FYB1: variants seen among roughly 807,000 people sequenced by gnomAD.
The protein encoded by FYB1 is FYN-binding protein 1.
FYB1 carries 41 observed loss-of-function variants against 94.1 expected under a neutral mutation model. That is an observed-to-expected ratio of 0.44 (90% CI 0.34 to 0.57). The LOEUF (loss-of-function observed/expected upper bound fraction) is 0.57. Among genes scored for constraint, FYB1 ranks in the 20% least tolerant of loss-of-function variants. The probability of loss-of-function intolerance (pLI) is 0.02; values close to 1 mark genes in which losing one functional copy is unlikely to be tolerated. For synonymous variants in FYB1, 367 were observed against 353.2 expected, an observed-to-expected ratio of 1.04 and a Z score of -0.44; for missense variants, 1,050 against 976.8, an observed-to-expected ratio of 1.07 and a Z score of -1.00.
chr5:39,118,794 G>T, intron 16 of FYB1, 80 bp downstream of exon 16: 1 of 845,136 alleles, frequency 1.2e-6, no homozygotes, highest in Non-Finnish European at 1.7e-6. Flanking sequence ...TAAACACAGA[G>T]TAGTCACTAA....
At chr5:39,138,368 A>G (rs1056102570) in intron 6 of FYB1, 3 of 271,640 alleles carry the variant, frequency 1.1e-5, no homozygotes, top group Non-Finnish European at 2.1e-5. Flanking sequence ...GCCCAAGGAT[A>G]CACTAAGAGT....
At chr5:39,169,042 T>C (rs975320960) in intron 2 of FYB1, among the ~76,000 whole-genome samples, 2 of 152,112 alleles carry the variant, frequency 1.3e-5, no homozygotes, top group Non-Finnish European at 2.9e-5. Flanking sequence ...TTAAAGGAAA[T>C]AGGAAGATTT....
chr5:39,226,019 C>T (rs1184145131), intron 1 of FYB1, among the ~76,000 whole-genome samples: 1 of 152,170 alleles, frequency 6.6e-6, no homozygotes, highest in Non-Finnish European at 1.5e-5. Flanking sequence ...GTCCCTGGTT[C>T]ACAATTCTGA....
chr5:39,150,903 G>A (rs1231719393), intron 3 of FYB1, among the ~76,000 whole-genome samples: 1 of 152,180 alleles, frequency 6.6e-6, no homozygotes, highest in African/African-American at 2.4e-5. Flanking sequence ...TAAAGCACAA[G>A]TCAGAAAATG....
chr5:39,155,065 A>C (rs998447301), intron 2 of FYB1, among the ~76,000 whole-genome samples: 2 of 152,194 alleles, frequency 1.3e-5, no homozygotes, highest in African/African-American at 4.8e-5. Context: ...CCATACATTA[A>C]AAATATAACA....
At chr5:39,199,542 A>G (rs1748132182) in intron 2 of FYB1, among the ~76,000 whole-genome samples, 2 of 152,226 alleles carry the variant, frequency 1.3e-5, no homozygotes, top group South Asian at 4.1e-4. Context: ...GAGAATAATC[A>G]GTTACTCTTT....
At chr5:39,227,976 G>C (rs1444229387) in intron 1 of FYB1, among the ~76,000 whole-genome samples, 1 of 152,158 alleles carries the variant, frequency 6.6e-6, no homozygotes, top group Non-Finnish European at 1.5e-5. Context: ...GGAACAGAAG[G>C]CTTGGATAAG....
chr5:39,112,245 T>C (rs1739137904), intron 16 of FYB1, among the ~76,000 whole-genome samples: 1 of 152,022 alleles, frequency 6.6e-6, no homozygotes, highest in Admixed American at 6.6e-5. Flanking sequence ...TTGACTTCTT[T>C]TTATCAGTTA....
chr5:39,191,481 C>T (rs896120467), intron 2 of FYB1, among the ~76,000 whole-genome samples: 62 of 152,196 alleles, frequency 4.1e-4, no homozygotes, highest in African/African-American at 1.2e-3. Flanking sequence ...TTTTTGGTTT[C>T]GATTTTTTTC....
At chr5:39,258,206 C>T (rs1224865323) in intron 1 of FYB1, among the ~76,000 whole-genome samples, 1 of 152,128 alleles carries the variant, frequency 6.6e-6, no homozygotes, top group Non-Finnish European at 1.5e-5. Flanking sequence ...TTGATTAATT[C>T]TCCTAGTGTC....
intron 9 of FYB1, among the ~76,000 whole-genome samples, chr5:39,132,263 C>G (rs1361237257): frequency 2.0e-5 from 3 of 152,186 alleles, no homozygotes; most frequent in Non-Finnish European, 4.4e-5. Flanking sequence ...ATGATGCCTT[C>G]TCTTCTTATT....
intron 16 of FYB1, among the ~76,000 whole-genome samples, chr5:39,118,571 A>T (rs1561129856): frequency 6.6e-6 from 1 of 152,154 alleles, no homozygotes; most frequent in Admixed American, 6.6e-5. Context: ...TGCGATTTTA[A>T]TACACACGCA....
At chr5:39,237,477 A>T (rs867664303) in intron 1 of FYB1, among the ~76,000 whole-genome samples, 1 of 152,116 alleles carries the variant, frequency 6.6e-6, no homozygotes, top group South Asian at 2.1e-4. Flanking sequence ...TCATCAAGCA[A>T]CTACTTCCCA....
chr5:39,191,326 G>C (rs1397739106), intron 2 of FYB1, among the ~76,000 whole-genome samples: 1 of 152,184 alleles, frequency 6.6e-6, no homozygotes, highest in Admixed American at 6.5e-5. Context: ...GAAACACACA[G>C]GCTCTGTTGC....
intron 1 of FYB1, among the ~76,000 whole-genome samples, chr5:39,271,915 T>A (rs557890857): frequency 6.6e-6 from 1 of 152,254 alleles, no homozygotes; most frequent in Admixed American, 6.5e-5. Context: ...CAGGCATACT[T>A]TTAAGTATAA....
chr5:39,179,899 T>A (rs1326834215), intron 2 of FYB1, among the ~76,000 whole-genome samples: 1 of 152,186 alleles, frequency 6.6e-6, no homozygotes. Context: ...TACTCTGTCT[T>A]TGGGGCTCAG....
chr5:39,243,157 TG>T (rs1751298474), intron 1 of FYB1, among the ~76,000 whole-genome samples: 1 of 152,066 alleles, frequency 6.6e-6, no homozygotes, highest in Non-Finnish European at 1.5e-5. Context: ...AGATCCCATT[TG>T]TCAATTTTGG....
chr5:39,188,883 C>G (rs1747100972), intron 2 of FYB1, among the ~76,000 whole-genome samples: 1 of 152,144 alleles, frequency 6.6e-6, no homozygotes, highest in African/African-American at 2.4e-5. Context: ...TTAGAATCAT[C>G]TGGTGAAACT....
intron 10 of FYB1, among the ~76,000 whole-genome samples, chr5:39,128,387 T>C (rs1258984754): frequency 6.6e-6 from 1 of 152,180 alleles, no homozygotes. Flanking sequence ...GTAGTTTCTA[T>C]GTGCAGGAAT....
Sources: allele counts gnomAD v4.1 joint callset (sites outside exome capture counted in the v4.1 genomes callset), GRCh38; gene constraint gnomAD v4.1.1; transcripts MANE v1.5; gene names NCBI Gene and HGNC (gene_info 2026-07-23, HGNC 2026-07-21).